The following ADK variants were observed in gnomAD, a reference collection of about 807,000 sequenced individuals.
ADK encodes the protein adenosine kinase, also known as N6,N6-dimethyladenosine kinase.
A neutral mutation model predicts 44.7 loss-of-function variants in ADK; 24 were observed. That is an observed-to-expected ratio of 0.54 (90% CI 0.39 to 0.76). ADK has a LOEUF of 0.76. Ranked by LOEUF, ADK falls within the 30% of genes least tolerant of loss-of-function variation. The probability of loss-of-function intolerance (pLI) is 0.00; values close to 1 mark genes in which losing one functional copy is unlikely to be tolerated. For missense variants in ADK, 321 were observed against 425.1 expected (o/e 0.76, Z 2.15); for synonymous variants, 128 against 142.6 (o/e 0.90, Z 0.73).
intron 4 of ADK, among the ~76,000 whole-genome samples, chr10:74,378,239 G>A (rs951101609): frequency 6.6e-5 from 10 of 151,988 alleles, no homozygotes; most frequent in South Asian, 6.2e-4. Context: ...GCATGCCAAA[G>A]CACTCAGAGT....
At chr10:74,249,867 A>G (rs1019417503) in intron 3 of ADK, among the ~76,000 whole-genome samples, 9 of 152,220 alleles carry the variant, frequency 5.9e-5, no homozygotes, top group African/African-American at 1.9e-4. Context: ...TTAGTTTTAT[A>G]CTATGTGTAA....
At chr10:74,392,896 G>T (rs913436286) in intron 4 of ADK, among the ~76,000 whole-genome samples, 8 of 152,106 alleles carry the variant, frequency 5.3e-5, no homozygotes, top group African/African-American at 1.9e-4. Context: ...TTGTTTTGCT[G>T]GGATTTTTGA....
chr10:74,489,112 C>CT (rs1422293654), intron 6 of ADK, among the ~76,000 whole-genome samples: 2 of 151,910 alleles, frequency 1.3e-5, no homozygotes, highest in African/African-American at 4.8e-5. Context: ...GCATACAAGA[C>CT]TGGACAGGCT....
intron 7 of ADK, among the ~76,000 whole-genome samples, chr10:74,585,204 G>C (rs184283849): frequency 1.3e-5 from 2 of 152,228 alleles, no homozygotes; most frequent in African/African-American, 4.8e-5. Flanking sequence ...GTTTTACCCT[G>C]GTTGCTGAAG....
chr10:74,514,524 G>A (rs1026826039), intron 6 of ADK, among the ~76,000 whole-genome samples: 1 of 150,694 alleles, frequency 6.6e-6, no homozygotes, highest in African/African-American at 2.4e-5. Flanking sequence ...CTTCTTCTTG[G>A]TCTAGTCTGT....
chr10:74,583,534 CT>C (rs1851437506), intron 7 of ADK, among the ~76,000 whole-genome samples: 1 of 152,174 alleles, frequency 6.6e-6, no homozygotes, highest in African/African-American at 2.4e-5. Flanking sequence ...TGCTTACCCT[CT>C]GATTTGCTGA....
At position 74,625,682 on chromosome 10, in the gene ADK, A is replaced by T. The variant is rs140060889; in HGVS notation, c.877+25189A>T. On this transcript the variant is annotated intron_variant, in intron 9 of 10. Transcript: ENST00000539909. ...GTGATGAACAATCCCATGGGGTTAT[A>T]GTGAGACAAATGTGATAGGGTTAGA... Among the ~76,000 whole-genome samples the T allele has an allele frequency of 7.0e-3, 1,060 of 152,298 alleles. 8 individuals carry two copies. The highest frequency in any genetic ancestry group is 0.025 in the African/African-American group (1,025 of 41,560).
chr10:74,396,479 G>T (rs1385479975), intron 5 of ADK, among the ~76,000 whole-genome samples: 1 of 152,108 alleles, frequency 6.6e-6, no homozygotes, highest in Non-Finnish European at 1.5e-5. Flanking sequence ...GGCTGCAGTG[G>T]ACTGGGGTCG....
chr10:74,483,423 AT>A (rs1847145593), intron 6 of ADK, among the ~76,000 whole-genome samples: 1 of 152,078 alleles, frequency 6.6e-6, no homozygotes. Flanking sequence ...GCTGCTGCAA[AT>A]GTCTCTGAAA....
At chr10:74,649,047 G>A (rs1554892690) in intron 9 of ADK, among the ~76,000 whole-genome samples, 1 of 152,032 alleles carries the variant, frequency 6.6e-6, no homozygotes, top group Non-Finnish European at 1.5e-5. Context: ...GGGCGTGGTG[G>A]CACGCAGCCT....
intron 4 of ADK, among the ~76,000 whole-genome samples, chr10:74,378,130 A>G (rs1377003932): frequency 1.3e-5 from 2 of 151,822 alleles, no homozygotes; most frequent in African/African-American, 2.4e-5. Flanking sequence ...ATCACTTCCC[A>G]TAATAATCAG....
chr10:74,301,694 G>C (rs1010337762), intron 3 of ADK, among the ~76,000 whole-genome samples: 1 of 151,622 alleles, frequency 6.6e-6, no homozygotes, highest in Admixed American at 6.6e-5. Context: ...AATGTCCTTG[G>C]TTTTTTTCTC....
intron 1 of ADK, among the ~76,000 whole-genome samples, chr10:74,196,766 A>G (rs1843168935): frequency 6.6e-6 from 1 of 152,186 alleles, no homozygotes; most frequent in Non-Finnish European, 1.5e-5. Context: ...CCTGTACAAC[A>G]AACCCCCATG....
chr10:74,399,175 G>C (rs1337260924), intron 6 of ADK, among the ~76,000 whole-genome samples: 1 of 151,240 alleles, frequency 6.6e-6, no homozygotes, highest in African/African-American at 2.4e-5. Context: ...TAAAAATTCT[G>C]AATTAATCAC....
At chr10:74,441,630 A>C (rs1259059565) in intron 6 of ADK, among the ~76,000 whole-genome samples, 2 of 152,136 alleles carry the variant, frequency 1.3e-5, no homozygotes, top group Non-Finnish European at 1.5e-5. Flanking sequence ...CATATTAGAA[A>C]AGCTCCGTGA....
At chr10:74,258,990 C>A (rs1208476722) in intron 3 of ADK, among the ~76,000 whole-genome samples, 2 of 138,032 alleles carry the variant, frequency 1.4e-5, no homozygotes, top group Non-Finnish European at 3.0e-5. Flanking sequence ...CTCCCTGTGT[C>A]GCCCAGGCTG....
chr10:74,516,371 G>A (rs1848574384), intron 6 of ADK, among the ~76,000 whole-genome samples: 2 of 152,004 alleles, frequency 1.3e-5, no homozygotes, highest in African/African-American at 4.8e-5. Context: ...TTCTATCAGT[G>A]CACCCCACTA....
At chr10:74,289,329 G>A (rs1382100219) in intron 3 of ADK, among the ~76,000 whole-genome samples, 9 of 152,134 alleles carry the variant, frequency 5.9e-5, no homozygotes, top group Non-Finnish European at 8.8e-5. Context: ...TTACAGGCAT[G>A]AGCCACCGTA....
At chr10:74,293,798 A>G (rs1387995017) in intron 3 of ADK, among the ~76,000 whole-genome samples, 2 of 152,244 alleles carry the variant, frequency 1.3e-5, no homozygotes, top group Non-Finnish European at 1.5e-5. Context: ...TTTGTGAATT[A>G]AAGTATAACA....
Sources: allele counts gnomAD v4.1 joint callset (sites outside exome capture counted in the v4.1 genomes callset), GRCh38; gene constraint gnomAD v4.1.1; transcripts MANE v1.5; gene names NCBI Gene and HGNC (gene_info 2026-07-23, HGNC 2026-07-21).